ISG15: variants seen among roughly 807,000 people sequenced by gnomAD.
ISG15 encodes ISG15 ubiquitin like modifier.
In ISG15, 2 loss-of-function variants were observed where a neutral mutation model predicts 2.4. The observed-to-expected ratio is 0.82, with a 90% CI of 0.33 to 2.57. The LOEUF is 2.57. Ranked by LOEUF, ISG15 falls within the 30% of genes most tolerant of loss-of-function variation. The pLI is 0.11. For missense variants in ISG15, 224 were observed against 228.4 expected (o/e 0.98, Z 0.13); for synonymous variants, 116 against 108.1 (o/e 1.07, Z -0.45).
rs537960761 is a variant in ISG15 at position 1,013,856 on chromosome 1, C to T, written c.4-128C>T. The T allele has an allele frequency of 1.1e-4, 144 of 1,302,592 alleles. No individual in the cohort carries two copies. In the East Asian group the frequency reaches 2.9e-3, roughly 26 times the overall value. 80.7% of individuals were successfully genotyped at this position (1,302,592 alleles called of 1,614,324 possible). A position where few individuals can be genotyped will look rare whatever the true frequency, so the allele number is the denominator to read the frequency against. ...CTTCTGTGCCTGGGGTCCCTGCCGG[C>T]GGGATGTAGAGGACAGACAGGAGGG... On this transcript the variant is annotated intron_variant, in intron 1 of 1. Transcript: ENST00000649529.
In ISG15 at chr1:1,014,268, C is replaced by A. The variant is rs534285649; in HGVS notation, c.288C>A (p.Tyr96Ter). The A allele has an allele frequency of 1.2e-6, 2 of 1,613,534 alleles. No individual in the cohort carries two copies. The highest frequency in any genetic ancestry group is 1.7e-6 in the Non-Finnish European group (2 of 1,179,988). Residue 96 changes from tyrosine to a stop codon, truncating the protein, a stop_gained, in exon 2 of 2, where the codon TAC becomes TAA. Coordinates refer to ENST00000649529, the MANE Select transcript of ISG15 (RefSeq NM_005101.4). LOFTEE classifies it low-confidence loss of function (END_TRUNC). ...ATAACAAGGGCCGCAGCAGCACCTA[C>A]GAGGTACGGCTGACGCAGACCGTGG... Reference protein sequence around the residue: ...VRNNKGRSSTYEVRLTQTVAH... With the variant: ...VRNNKGRSST
At chr1:1,013,867 GGACAGACA>G in intron 1 of ISG15, 109 bp from the exon 2 acceptor site, 1 of 1,376,412 alleles carries the variant, frequency 7.3e-7, no homozygotes, top group South Asian at 1.4e-5. Flanking sequence ...GGGATGTAGA[GGACAGACA>G]GGAGGGAGCA....
In ISG15 at chr1:1,014,434, C is replaced by G. The variant is rs1271598636; in HGVS notation, c.454C>G (p.Leu152Val). 1 of 1,610,484 alleles carries G rather than the reference C, an allele frequency of 6.2e-7. No individual in the cohort carries two copies. The highest frequency in any genetic ancestry group is 1.3e-5 in the African/African-American group (1 of 74,906). The change falls in exon 2 of 2, where the codon CTG becomes GTG. Residue 152 changes from leucine to valine, a missense_variant. Coordinates refer to ENST00000649529, the MANE Select transcript of ISG15 (RefSeq NM_005101.4). ...LKPLSTVFMN[L>V]RLRGGGTEPG... ...GCCCCTGAGCACCGTGTTCATGAAT[C>G]TGCGCCTGCGGGGAGGCGGCACAGA...
chr1:1,013,927 G>A, intron 1 of ISG15, 57 bp from the exon 2 acceptor site: 1 of 1,541,266 alleles, frequency 6.5e-7, no homozygotes, highest in Non-Finnish European at 8.8e-7. Context: ...CCAGTGCCTT[G>A]TGTGTGGTGG....
Position 1,013,610 on chromosome 1 carries a change from C to T in ISG15, c.3+34C>T, listed in dbSNP as rs375215345. Reference sequence around the variant, plus strand: ...GATGTCACAGGTGGGGGGAGGTGGGCTCTGTGCCAGCCAATTTTCGTCTCC... The same window carrying T: ...GATGTCACAGGTGGGGGGAGGTGGGTTCTGTGCCAGCCAATTTTCGTCTCC... On this transcript the variant is annotated intron_variant, in intron 1 of 1. Transcript: ENST00000649529. 107 of 1,611,338 alleles carry T rather than the reference C, an allele frequency of 6.6e-5. No homozygotes were observed. In the African/African-American group the frequency reaches 1.3e-3, roughly 20 times the overall value.
At chr1:1,013,649 G>C in intron 1 of ISG15, 73 bp downstream of exon 1, 1 of 1,528,660 alleles carries the variant, frequency 6.5e-7, no homozygotes, top group Non-Finnish European at 9.0e-7. Flanking sequence ...CCCCAGCCAA[G>C]GTCTCCCAGG....
In ISG15 at chr1:1,014,391, G is replaced by A. The variant is rs373331434; in HGVS notation, c.411G>A (p.Leu137=). ...EGKPLEDQLP[L]GEYGLKPLST... The stretch of plus-strand genomic sequence containing the variant: ...AGCCCCTGGAGGACCAGCTCCCGCT[G>A]GGGGAGTACGGCCTCAAGCCCCTGA... Residue 137 remains leucine (L), a synonymous_variant, in exon 2 of 2, where the codon CTG becomes CTA. Coordinates refer to ENST00000649529, the MANE Select transcript of ISG15 (RefSeq NM_005101.4). 3 of 1,613,284 alleles carry A rather than the reference G, an allele frequency of 1.9e-6. No individual in the cohort carries two copies. The highest frequency in any genetic ancestry group is 1.1e-5 in the South Asian group (1 of 91,084).
In ISG15 at chr1:1,014,371, CT is replaced by C; in HGVS notation, c.392del (p.Leu131ArgfsTer15). ...LFWLTFEGKP[L>X]EDQLPLGEYG... ...CTGGCTGACCTTCGAGGGGAAGCCC[CT>C]GGAGGACCAGCTCCCGCTGGGGGAG... On this transcript the variant is annotated frameshift_variant, in exon 2 of 2. Coordinates refer to ENST00000649529, the MANE Select transcript of ISG15 (RefSeq NM_005101.4). LOFTEE classifies it low-confidence loss of function (END_TRUNC). 1 of 1,613,488 alleles carries C rather than the reference CT, an allele frequency of 6.2e-7. No homozygotes were observed. The highest frequency in any genetic ancestry group is 1.1e-5 in the South Asian group (1 of 91,092).
rs1480984723 is a variant in ISG15, at chr1:1,014,502, G to A, written c.*24G>A. Reference sequence around the variant, plus strand: ...AAGGGCCTCCACCAGCATCCGAGCAGGATCAAGGGCCGGAAATAAAGGCTG... The same window carrying A: ...AAGGGCCTCCACCAGCATCCGAGCAAGATCAAGGGCCGGAAATAAAGGCTG... On this transcript the variant is annotated 3_prime_UTR_variant, in exon 2 of 2. Coordinates refer to ENST00000649529, the MANE Select transcript of ISG15 (RefSeq NM_005101.4). The A allele has an allele frequency of 1.0e-5, 16 of 1,576,250 alleles. No homozygotes were observed. The highest frequency in any genetic ancestry group is 1.4e-5 in the Non-Finnish European group (16 of 1,160,506).
Position 1,014,080 on chromosome 1 carries a change from C to G in ISG15, c.100C>G (p.Gln34Glu), listed in dbSNP as rs372601908. Residue 34 changes from glutamine (Q) to glutamate (E), a missense_variant, in exon 2 of 2, where the codon CAG becomes GAG. Gln to Glu is a conservative substitution (Grantham distance 29). Coordinates refer to ENST00000649529, the MANE Select transcript of ISG15 (RefSeq NM_005101.4). ...GTCAGAGCTGAAGGCGCAGATCACC[C>G]AGAAGATCGGCGTGCACGCCTTCCA... ...SVSELKAQITQKIGVHAFQQR... is the reference protein window; with the variant it reads ...SVSELKAQITEKIGVHAFQQR... 1 of 1,613,224 alleles carries G rather than the reference C, an allele frequency of 6.2e-7. No individual in the cohort carries two copies. The highest frequency in any genetic ancestry group is 1.3e-5 in the African/African-American group (1 of 75,074).
chr1:1,014,390 T>G lies in ISG15; in HGVS notation c.410T>G (p.Leu137Arg). ...AAGCCCCTGGAGGACCAGCTCCCGC[T>G]GGGGGAGTACGGCCTCAAGCCCCTG... The part of the protein sequence containing the change: ...EGKPLEDQLP[L>R]GEYGLKPLST... Residue 137 changes from leucine (L) to arginine (R), a missense_variant, in exon 2 of 2, where the codon CTG (leucine) becomes CGG (arginine). Physicochemically the swap from Leu to Arg is moderately radical, Grantham distance 102. Coordinates refer to ENST00000649529, the MANE Select transcript of ISG15 (RefSeq NM_005101.4). 6.2e-7 allele frequency: 1 copy of G among 1,613,220 alleles called. No homozygotes were observed. The highest frequency in any genetic ancestry group is 1.6e-4 in the Middle Eastern group (1 of 6,062).
chr1:1,014,318 G>A lies in ISG15; in HGVS notation c.338G>A (p.Gly113Glu). The change falls in exon 2 of 2, where the codon GGG becomes GAG. Residue 113 changes from glycine to glutamate, a missense_variant. Coordinates refer to ENST00000649529, the MANE Select transcript of ISG15 (RefSeq NM_005101.4). ...TVAHLKQQVSGLEGVQDDLFW... is the reference protein window; with the variant it reads ...TVAHLKQQVSELEGVQDDLFW... Reference sequence around the variant, plus strand: ...GCCCACCTGAAGCAGCAAGTGAGCGGGCTGGAGGGTGTGCAGGACGACCTG... The same window carrying A: ...GCCCACCTGAAGCAGCAAGTGAGCGAGCTGGAGGGTGTGCAGGACGACCTG... 2 of 1,613,754 alleles carry A rather than the reference G, an allele frequency of 1.2e-6. No homozygotes were observed. The highest frequency in any genetic ancestry group is 8.5e-7 in the Non-Finnish European group (1 of 1,180,022).
chr1:1,014,099 C>T lies in ISG15; in HGVS notation c.119C>T (p.Ala40Val), dbSNP rs1345681904. The T allele has an allele frequency of 6.2e-7, 1 of 1,613,144 alleles. No homozygotes were observed. The highest frequency in any genetic ancestry group is 1.3e-5 in the African/African-American group (1 of 74,952). The part of the protein sequence containing the change: ...AQITQKIGVH[A>V]FQQRLAVHPS... ...ATCACCCAGAAGATCGGCGTGCACGCCTTCCAGCAGCGTCTGGCTGTCCAC... is the reference window on the plus strand; with the variant it reads ...ATCACCCAGAAGATCGGCGTGCACGTCTTCCAGCAGCGTCTGGCTGTCCAC... Residue 40 changes from alanine to valine, a missense_variant, in exon 2 of 2, where the codon GCC (alanine) becomes GTC (valine). By Grantham distance (64) the Ala-to-Val change is moderately conservative (BLOSUM62 0). Transcript: ENST00000649529.
intron 1 of ISG15, 89 bp from the exon 2 acceptor site, chr1:1,013,895 G>A (rs1570110747): frequency 2.0e-6 from 3 of 1,486,822 alleles, no homozygotes; most frequent in African/African-American, 1.4e-5. Context: ...ACTGTCCCTG[G>A]GTACAGGAGC....
In ISG15 at chr1:1,014,374, G is replaced by A; in HGVS notation, c.394G>A (p.Glu132Lys). 6.2e-7 allele frequency: 1 copy of A among 1,613,464 alleles called. No homozygotes were observed. Among genetic ancestry groups the A allele is most frequent in the Middle Eastern group, 1.6e-4 (1 of 6,062 alleles). ...FWLTFEGKPL[E>K]DQLPLGEYGL... ...GCTGACCTTCGAGGGGAAGCCCCTGGAGGACCAGCTCCCGCTGGGGGAGTA... is the reference window on the plus strand; with the variant it reads ...GCTGACCTTCGAGGGGAAGCCCCTGAAGGACCAGCTCCCGCTGGGGGAGTA... The change falls in exon 2 of 2, where the codon GAG becomes AAG. Residue 132 changes from glutamate to lysine, a missense_variant. By Grantham distance (56) the Glu-to-Lys change is moderately conservative. Transcript: ENST00000649529.
At position 1,014,159 on chromosome 1, in the gene ISG15, T is replaced by A; in HGVS notation, c.179T>A (p.Leu60His). Residue 60 changes from leucine to histidine, a missense_variant, in exon 2 of 2, where the codon CTT (leucine) becomes CAT (histidine). Coordinates refer to ENST00000649529, the MANE Select transcript of ISG15 (RefSeq NM_005101.4). ...GTGGCGCTGCAGGACAGGGTCCCCC[T>A]TGCCAGCCAGGGCCTGGGCCCCGGC... ...SGVALQDRVPLASQGLGPGST... is the reference protein window; with the variant it reads ...SGVALQDRVPHASQGLGPGST... 1 of 1,612,640 alleles carries A rather than the reference T, an allele frequency of 6.2e-7. No homozygotes were observed. The highest frequency in any genetic ancestry group is 1.1e-5 in the South Asian group (1 of 91,062).
At position 1,014,317 on chromosome 1, in the gene ISG15, G is replaced by T. The variant is rs150384799; in HGVS notation, c.337G>T (p.Gly113Trp). Residue 113 changes from glycine (G) to tryptophan (W), a missense_variant, in exon 2 of 2, where the codon GGG becomes TGG. Gly to Trp is a radical substitution (Grantham distance 184). Coordinates refer to ENST00000649529, the MANE Select transcript of ISG15 (RefSeq NM_005101.4). ...GGCCCACCTGAAGCAGCAAGTGAGC[G>T]GGCTGGAGGGTGTGCAGGACGACCT... ...TVAHLKQQVS[G>W]LEGVQDDLFW... 1.2e-6 allele frequency: 2 copies of T among 1,613,612 alleles called. No homozygotes were observed. Among genetic ancestry groups the T allele is most frequent in the Non-Finnish European group, 1.7e-6 (2 of 1,180,022 alleles).
rs1383407923 is a variant in ISG15 at position 1,014,347 on chromosome 1, TG to T, written c.369del (p.Trp123CysfsTer2). On this transcript the variant is annotated frameshift_variant, in exon 2 of 2. Transcript: ENST00000649529. LOFTEE classifies it low-confidence loss of function (END_TRUNC). ...GLEGVQDDLF[W>X]LTFEGKPLED... Reference sequence around the variant, plus strand: ...GGAGGGTGTGCAGGACGACCTGTTCTGGCTGACCTTCGAGGGGAAGCCCCTG... The same window carrying T: ...GGAGGGTGTGCAGGACGACCTGTTCTGCTGACCTTCGAGGGGAAGCCCCTG... 6.2e-7 allele frequency: 1 copy of T among 1,613,638 alleles called. No homozygotes were observed.
At position 1,014,283 on chromosome 1, in the gene ISG15, G is replaced by A. The variant is rs769351134; in HGVS notation, c.303G>A (p.Thr101=). The A allele has an allele frequency of 8.4e-5, 136 of 1,613,604 alleles. 2 individuals carry two copies. The South Asian group carries it at 1.1e-3, about 13-fold the overall frequency. Residue 101 remains threonine (T), a synonymous_variant, in exon 2 of 2, where the codon ACG becomes ACA. Transcript: ENST00000649529. ...GCAGCACCTACGAGGTACGGCTGAC[G>A]CAGACCGTGGCCCACCTGAAGCAGC... ...GRSSTYEVRL[T]QTVAHLKQQV... is the part of the protein sequence containing the mutation.
Sources: allele counts gnomAD v4.1 joint callset, GRCh38; gene constraint gnomAD v4.1.1; transcripts MANE v1.5; gene names NCBI Gene and HGNC (gene_info 2026-07-23, HGNC 2026-07-21).